Variants in AMPH observed in about 807,000 individuals in gnomAD.
AMPH encodes the protein amphiphysin (Stiff-Mann syndrome with breast cancer 128kD autoantigen).
AMPH carries 49 observed loss-of-function variants against 99.1 expected under a neutral mutation model. The observed-to-expected ratio is 0.49, with a 90% CI of 0.39 to 0.63. AMPH has a LOEUF of 0.63. Among genes scored for constraint, AMPH ranks in the 20% least tolerant of loss-of-function variants. AMPH has a pLI of 0.00. For missense variants in AMPH, 759 were observed against 863.4 expected, an observed-to-expected ratio of 0.88 and a Z score of 1.52; for synonymous variants, 314 against 317.3, an observed-to-expected ratio of 0.99 and a Z score of 0.11.
At chr7:38,423,456 A>G (rs1398773425) in intron 15 of AMPH, among the ~76,000 whole-genome samples, 2 of 152,222 alleles carry the variant, frequency 1.3e-5, no homozygotes, top group Non-Finnish European at 2.9e-5. Context: ...GGAAAAGATG[A>G]GCCAGTGCCT....
rs926322464 is a variant in AMPH, at chr7:38,481,241, C to A, written c.397-4272G>T. Reference sequence around the variant, plus strand: ...CTCCTAAATAAGGGTAAGGTTGACACACATTAGCTTTTTTTAATGGAAAAT... The same window carrying A: ...CTCCTAAATAAGGGTAAGGTTGACAAACATTAGCTTTTTTTAATGGAAAAT... On this transcript the variant is annotated intron_variant, in intron 5 of 20. Transcript: ENST00000356264. Among the ~76,000 whole-genome samples, 34 of 152,102 alleles carry A rather than the reference C, an allele frequency of 2.2e-4. 1 individual carries two copies. The highest frequency in any genetic ancestry group is 7.9e-4 in the African/African-American group (33 of 41,518).
chr7:38,471,694 A>G (rs1029845605), intron 7 of AMPH, among the ~76,000 whole-genome samples: 1 of 152,184 alleles, frequency 6.6e-6, no homozygotes, highest in Non-Finnish European at 1.5e-5. Flanking sequence ...AGAATGGATA[A>G]AACACACACC....
At chr7:38,432,650 T>C (rs2128993770) in intron 12 of AMPH, among the ~76,000 whole-genome samples, 1 of 151,530 alleles carries the variant, frequency 6.6e-6, no homozygotes, top group African/African-American at 2.4e-5. Context: ...AAACAAGGTG[T>C]CCAAATTTTA....
intron 17 of AMPH, among the ~76,000 whole-genome samples, chr7:38,405,916 T>C (rs1784972004): frequency 6.6e-6 from 1 of 152,176 alleles, no homozygotes; most frequent in African/African-American, 2.4e-5. Flanking sequence ...CTGCAGAATA[T>C]ACAATCTTTT....
At position 38,516,198 on chromosome 7, in the gene AMPH, G is replaced by A. The variant is rs577713595; in HGVS notation, c.151-12494C>T. On this transcript the variant is annotated intron_variant, in intron 2 of 20. Coordinates refer to ENST00000356264, the MANE Select transcript of AMPH (RefSeq NM_001635.4). ...AAGTAAAAAGGAGCCAAGACAATGG[G>A]GAAAATGCCTTGAAGGCATTTTTTT... 7.2e-5 allele frequency among the ~76,000 whole-genome samples: 11 copies of A among 152,316 alleles called. 1 individual carries two copies. In the South Asian group the frequency reaches 2.3e-3, roughly 32 times the overall value.
intron 3 of AMPH, among the ~76,000 whole-genome samples, chr7:38,497,329 T>C (rs1562791895): frequency 6.6e-6 from 1 of 152,230 alleles, no homozygotes; most frequent in East Asian, 1.9e-4. Flanking sequence ...ATATCCAAAA[T>C]TTTCTTAAAA....
chr7:38,404,535 T>C (rs1269400917), intron 17 of AMPH, among the ~76,000 whole-genome samples: 1 of 152,166 alleles, frequency 6.6e-6, no homozygotes, highest in Non-Finnish European at 1.5e-5. Context: ...GGAACCCATG[T>C]AGAGCCTTGG....
At position 38,463,037 on chromosome 7, in the gene AMPH, T is replaced by C. The variant is rs1272207754; in HGVS notation, c.826A>G (p.Ser276Gly). Residue 276 changes from serine (S) to glycine (G), a missense_variant, in exon 10 of 21, where the codon AGT (serine) becomes GGT (glycine). Ser to Gly is a moderately conservative substitution (Grantham distance 56, BLOSUM62 0). Transcript: ENST00000356264. ...EPSPLPSPTA[S>G]PNHTLAPASP... ...GCAGGTGCTAATGTATGATTTGGAC[T>C]TGCTGTCGGGCTCGGGAGGGGTGAA... The C allele has an allele frequency of 6.2e-7, 1 of 1,610,864 alleles. No individual in the cohort carries two copies. The highest frequency in any genetic ancestry group is 8.5e-7 in the Non-Finnish European group (1 of 1,178,664).
chr7:38,537,895 C>G (rs558188868), intron 1 of AMPH, among the ~76,000 whole-genome samples: 36 of 152,238 alleles, frequency 2.4e-4, no homozygotes, highest in Admixed American at 4.6e-4. Flanking sequence ...GAGAAGAACA[C>G]TTGATATGAT....
intron 17 of AMPH, among the ~76,000 whole-genome samples, chr7:38,410,873 A>T (rs1785196166): frequency 1.3e-5 from 2 of 152,162 alleles, no homozygotes; most frequent in Admixed American, 6.5e-5. Flanking sequence ...TTTCTGTTTC[A>T]TTTCAACTCC....
chr7:38,559,554 C>G (rs1791485436), intron 1 of AMPH, among the ~76,000 whole-genome samples: 1 of 152,210 alleles, frequency 6.6e-6, no homozygotes, highest in South Asian at 2.1e-4. Context: ...TCCACCTTGT[C>G]TCTCTGACAC....
intron 13 of AMPH, among the ~76,000 whole-genome samples, chr7:38,431,396 A>G (rs543503071): frequency 1.3e-3 from 200 of 152,262 alleles, no homozygotes; most frequent in South Asian, 5.6e-3. Context: ...AGTGGCTCAC[A>G]CCTGTAATCC....
At chr7:38,493,707 G>A (rs922467157) in intron 4 of AMPH, among the ~76,000 whole-genome samples, 4 of 152,054 alleles carry the variant, frequency 2.6e-5, no homozygotes, top group African/African-American at 9.7e-5. Flanking sequence ...ATTTGTGAAC[G>A]GACTAGCTGG....
intron 1 of AMPH, among the ~76,000 whole-genome samples, chr7:38,551,442 C>CTCTCCCCATCATTT (rs1791178656): frequency 6.6e-6 from 1 of 152,194 alleles, no homozygotes; most frequent in African/African-American, 2.4e-5. Flanking sequence ...TGCAGGTTTT[C>CTCTCCCCATCATTT]TCTCCCCATC....
chr7:38,541,669 A>G (rs1465467000), intron 1 of AMPH, among the ~76,000 whole-genome samples: 3 of 152,220 alleles, frequency 2.0e-5, no homozygotes, highest in African/African-American at 7.2e-5. Flanking sequence ...ACAAGAATAG[A>G]TAAGAGAGAA....
chr7:38,608,421 T>C (rs1476685340), intron 1 of AMPH, among the ~76,000 whole-genome samples: 5 of 152,140 alleles, frequency 3.3e-5, no homozygotes, highest in Admixed American at 6.6e-5. Flanking sequence ...GCAAGGTATC[T>C]CTCCTCTCTG....
intron 13 of AMPH, among the ~76,000 whole-genome samples, chr7:38,430,872 G>A (rs1306448862): frequency 5.3e-5 from 8 of 152,228 alleles, no homozygotes; most frequent in Non-Finnish European, 1.2e-4. Flanking sequence ...AACTGCAGAA[G>A]GAAGGGACAG....
chr7:38,429,809 A>G, intron 14 of AMPH, 33 bp downstream of exon 14: 1 of 1,597,178 alleles, frequency 6.3e-7, no homozygotes, highest in African/African-American at 1.3e-5. Flanking sequence ...TCAAATACCA[A>G]AAAAATCCAG....
intron 1 of AMPH, among the ~76,000 whole-genome samples, chr7:38,564,217 T>A (rs939441370): frequency 2.0e-5 from 3 of 152,192 alleles, no homozygotes; most frequent in African/African-American, 7.2e-5. Context: ...TAGTTTCAGA[T>A]GATGGGTCTG....
Sources: gnomAD v4.1 joint callset for allele counts (sites outside exome capture counted in the v4.1 genomes callset) on GRCh38, gnomAD v4.1.1 for gene constraint, MANE v1.5 for transcripts, NCBI Gene and HGNC (gene_info 2026-07-23, HGNC 2026-07-21) for gene names.